HECTD2: variants seen among roughly 807,000 people sequenced by gnomAD.
HECTD2 encodes HECT domain E3 ubiquitin protein ligase 2, also known as probable E3 ubiquitin-protein ligase HECTD2.
HECTD2 carries 35 observed loss-of-function variants against 103.2 expected under a neutral mutation model. The ratio of observed to expected loss-of-function variants is 0.34; its 90% CI spans 0.26 to 0.45. The LOEUF is 0.45. Ranked by LOEUF, HECTD2 falls within the 20% of genes least tolerant of loss-of-function variation. The probability of loss-of-function intolerance (pLI) is 1.00; values close to 1 mark genes in which losing one functional copy is unlikely to be tolerated. For synonymous variants in HECTD2, 281 were observed against 329.9 expected (o/e 0.85, Z 1.61); for missense variants, 596 against 937.4 (o/e 0.64, Z 4.76).
intron 1 of HECTD2, among the ~76,000 whole-genome samples, chr10:91,422,093 A>G (rs1272031083): frequency 1.3e-5 from 2 of 152,140 alleles, no homozygotes; most frequent in African/African-American, 2.4e-5. Context: ...TCTAAAATAC[A>G]GATATGATCA....
intron 5 of HECTD2, among the ~76,000 whole-genome samples, chr10:91,474,833 T>G (rs1243653639): frequency 6.6e-6 from 1 of 152,234 alleles, no homozygotes; most frequent in Non-Finnish European, 1.5e-5. Context: ...GATTAGTGGT[T>G]GCTTTTAGCT....
chr10:91,488,133 G>A (rs761344141), intron 11 of HECTD2: 1 of 159,362 alleles, frequency 6.3e-6, no homozygotes, highest in South Asian at 2.0e-4. Context: ...AGTGTCATTA[G>A]GCAAACCACT....
intron 1 of HECTD2, 123 bp downstream of exon 1, chr10:91,410,699 C>A: frequency 2.3e-6 from 2 of 867,970 alleles, no homozygotes; most frequent in Non-Finnish European, 3.1e-6. Context: ...TCCAGGGAGA[C>A]GCACTCAGGC....
chr10:91,428,921 C>A (rs192996723), intron 2 of HECTD2, among the ~76,000 whole-genome samples: 14,057 of 150,320 alleles, frequency 0.094, 1,407 homozygotes, highest in African/African-American at 0.25. Context: ...TATGTTGAAT[C>A]GGAGTGGTGA....
chr10:91,410,536 A>G lies in HECTD2; in HGVS notation c.98A>G (p.Lys33Arg). ...AAAGGGAAGGAGTCAGAGCGCGAGAAGCTGCCGCCCATCGTATCGGCGGGC... is the reference window on the plus strand; with the variant it reads ...AAAGGGAAGGAGTCAGAGCGCGAGAGGCTGCCGCCCATCGTATCGGCGGGC... Reference protein sequence around the residue: ...ERKGKESEREKLPPIVSAGAG... With the variant: ...ERKGKESERERLPPIVSAGAG... The change falls in exon 1 of 21, where the codon AAG becomes AGG. Residue 33 changes from lysine (K) to arginine (R), a missense_variant. Around this residue, in one of 4 missense-constraint regions of HECTD2, gnomAD observed 220 missense variants for 233.9 expected, o/e 0.94. Coordinates refer to ENST00000298068, the MANE Select transcript of HECTD2 (RefSeq NM_182765.6). 1 of 1,467,652 alleles carries G rather than the reference A, an allele frequency of 6.8e-7. No homozygotes were observed. Among genetic ancestry groups the G allele is most frequent in the Non-Finnish European group, 9.0e-7 (1 of 1,111,630 alleles). The allele number at this position is 1,467,652 out of a possible 1,614,324, so 90.9% of individuals were successfully genotyped here.
At position 91,514,333 on chromosome 10, in the gene HECTD2, C is replaced by G. The variant is rs1847532957; in HGVS notation, c.*1949C>G. The G allele has an allele frequency of 1.3e-5, 2 of 152,548 alleles. No homozygotes were observed. Among genetic ancestry groups the G allele is most frequent in the Non-Finnish European group, 2.9e-5 (2 of 68,020 alleles). The allele number at this position is 152,548 out of a possible 1,614,324, so 9.4% of individuals were successfully genotyped here. The stretch of plus-strand genomic sequence containing the variant: ...TTTAGATGACGAAGTCCATAAATAA[C>G]TAGAGAATTTTTGTTATCTGTTGTT... On this transcript the variant is annotated 3_prime_UTR_variant, in exon 21 of 21. Transcript: ENST00000298068.
intron 2 of HECTD2, among the ~76,000 whole-genome samples, chr10:91,427,187 T>G (rs1843604721): frequency 6.6e-6 from 1 of 151,840 alleles, no homozygotes; most frequent in South Asian, 2.1e-4. Flanking sequence ...AACTCATCAT[T>G]TTTTATGGCT....
At chr10:91,492,588 G>C (rs527834860) in intron 13 of HECTD2, 104 bp downstream of exon 13, 1 of 897,272 alleles carries the variant, frequency 1.1e-6, no homozygotes, top group African/African-American at 1.7e-5. Context: ...CAGACTTTTT[G>C]TCCATCGTAA....
chr10:91,500,946 T>C (rs1846877141), intron 19 of HECTD2, among the ~76,000 whole-genome samples: 1 of 152,160 alleles, frequency 6.6e-6, no homozygotes, highest in South Asian at 2.1e-4. Context: ...TTGAAAGTTA[T>C]GCAGGAGAAA....
intron 5 of HECTD2, among the ~76,000 whole-genome samples, chr10:91,475,911 A>G (rs192665888): frequency 2.6e-5 from 4 of 152,252 alleles, no homozygotes; most frequent in Non-Finnish European, 4.4e-5. Flanking sequence ...TCCCATGGTG[A>G]CCCTGGAGGT....
At chr10:91,437,023 T>C (rs1321965807) in intron 2 of HECTD2, among the ~76,000 whole-genome samples, 1 of 152,076 alleles carries the variant, frequency 6.6e-6, no homozygotes. Context: ...TCCCTTTGTT[T>C]CTTTAACAGA....
intron 15 of HECTD2, among the ~76,000 whole-genome samples, chr10:91,497,287 C>CTT (rs549997514): frequency 1.6e-4 from 19 of 118,856 alleles, no homozygotes; most frequent in African/African-American, 4.5e-4. Flanking sequence ...GAAAATGTTT[C>CTT]TTTTTTTTTT....
At chr10:91,454,947 A>C (rs1845010504) in intron 2 of HECTD2, among the ~76,000 whole-genome samples, 1 of 151,920 alleles carries the variant, frequency 6.6e-6, no homozygotes, top group South Asian at 2.1e-4. Flanking sequence ...TATGTGCCAC[A>C]TTTTCTTAAT....
In HECTD2 at chr10:91,512,641, C is replaced by CTT. The variant is rs1277991329; in HGVS notation, c.*259_*260dup. ...GGTCCAGTTCCTCTTTTATATAGCACTTTATCATTCTCCACAAGTAGTTTG... is the reference window on the plus strand; with the variant it reads ...GGTCCAGTTCCTCTTTTATATAGCACTTTTTATCATTCTCCACAAGTAGTTTG... On this transcript the variant is annotated 3_prime_UTR_variant, in exon 21 of 21. Transcript: ENST00000298068. The CTT allele has an allele frequency of 2.8e-6, 1 of 362,436 alleles. No homozygotes were observed. The highest frequency in any genetic ancestry group is 2.0e-5 in the African/African-American group (1 of 49,160). 22.5% of individuals were successfully genotyped at this position (362,436 alleles called of 1,614,324 possible).
At chr10:91,496,448 A>G (rs895906387) in intron 15 of HECTD2, 76 bp downstream of exon 15, 3 of 965,276 alleles carry the variant, frequency 3.1e-6, no homozygotes, top group South Asian at 3.6e-5. Context: ...CTCTCCTCCT[A>G]ATGCTATTCT....
chr10:91,419,608 G>A (rs967605849), intron 1 of HECTD2, among the ~76,000 whole-genome samples: 9 of 152,104 alleles, frequency 5.9e-5, no homozygotes, highest in Admixed American at 3.9e-4. Flanking sequence ...TTTAATAAAT[G>A]TATGGTCAGC....
chr10:91,511,699 T>A (rs1172332093), intron 20 of HECTD2, among the ~76,000 whole-genome samples: 1 of 152,150 alleles, frequency 6.6e-6, no homozygotes, highest in Non-Finnish European at 1.5e-5. Context: ...CCTATGAGAA[T>A]CTAATACTGC....
At chr10:91,471,823 A>G (rs986037626) in intron 5 of HECTD2, among the ~76,000 whole-genome samples, 2 of 152,192 alleles carry the variant, frequency 1.3e-5, no homozygotes, top group African/African-American at 4.8e-5. Context: ...GAACAAACAA[A>G]TGGTAAAACA....
chr10:91,410,403 C>T lies in HECTD2; in HGVS notation c.-36C>T, dbSNP rs767861029. ...GCCAGCCCCAGCAACACTGAGGCCGCCGCCGCCGCCTGGCGCTCCCGCCGC... is the reference window on the plus strand; with the variant it reads ...GCCAGCCCCAGCAACACTGAGGCCGTCGCCGCCGCCTGGCGCTCCCGCCGC... On this transcript the variant is annotated 5_prime_UTR_variant, in exon 1 of 21. Transcript: ENST00000298068. 10 of 1,337,922 alleles carry T rather than the reference C, an allele frequency of 7.5e-6. No individual in the cohort carries two copies. In the South Asian group the frequency reaches 1.8e-4, roughly 24 times the overall value. The allele number at this position is 1,337,922 out of a possible 1,614,324, so 82.9% of individuals were successfully genotyped here.
Sources: allele counts gnomAD v4.1 joint callset (sites outside exome capture counted in the v4.1 genomes callset), GRCh38; gene constraint gnomAD v4.1.1; regional missense constraint gnomAD v4.1.1; transcripts MANE v1.5; gene names NCBI Gene and HGNC (gene_info 2026-07-23, HGNC 2026-07-21).